The following CCDC150 variants were observed in gnomAD, a reference collection of about 807,000 sequenced individuals.
CCDC150 encodes the protein coiled-coil domain-containing protein 150.
A neutral mutation model predicts 156.5 loss-of-function variants in CCDC150; 151 were observed. That is an observed-to-expected ratio of 0.97 (90% CI 0.85 to 1.10). CCDC150 has a LOEUF of 1.10. Ranked by LOEUF, CCDC150 falls within the 50% of genes least tolerant of loss-of-function variation. CCDC150 has a pLI of 0.00. For missense variants in CCDC150, 1,312 were observed against 1,268.1 expected, an observed-to-expected ratio of 1.03 and a Z score of -0.53; for synonymous variants, 452 against 429.4, an observed-to-expected ratio of 1.05 and a Z score of -0.65.
intron 2 of CCDC150, among the ~76,000 whole-genome samples, chr2:196,647,364 A>G (rs536486455): frequency 2.0e-4 from 31 of 152,252 alleles, no homozygotes; most frequent in African/African-American, 7.5e-4. Context: ...ATATATGCAT[A>G]CATATTTTAT....
chr2:196,639,817 G>C, intron 1 of CCDC150, 39 bp downstream of exon 1: 1 of 1,561,158 alleles, frequency 6.4e-7, no homozygotes, highest in Non-Finnish European at 8.7e-7. Flanking sequence ...GGGGTGGTCG[G>C]AGGCTCGCGA....
rs770723440 is a variant in CCDC150, at chr2:196,657,064, A to C, written c.504A>C (p.Lys168Asn). 1.9e-6 allele frequency: 3 copies of C among 1,613,914 alleles called. No homozygotes were observed. Residue 168 changes from lysine (K) to asparagine (N), a missense_variant, in exon 4 of 28, where the codon AAA becomes AAC. Physicochemically the swap from Lys to Asn is moderately conservative, Grantham distance 94 (BLOSUM62 0). Transcript: ENST00000389175. Reference protein sequence around the residue: ...MNLRQQLRAVKEEEDKAQDEV... With the variant: ...MNLRQQLRAVNEEEDKAQDEV... ...TGCGCCAGCAACTGAGAGCTGTAAA[A>C]GAGGAAGAAGACAAGGCACAAGATG... is the stretch of plus-strand genomic sequence containing the variant.
chr2:196,653,136 T>A (rs1205841196), intron 2 of CCDC150, among the ~76,000 whole-genome samples: 2 of 152,250 alleles, frequency 1.3e-5, no homozygotes, highest in Admixed American at 1.3e-4. Flanking sequence ...CGTTGGCTAT[T>A]AGCATTTGGC....
At chr2:196,670,376 A>T (rs1229709647) in intron 8 of CCDC150, among the ~76,000 whole-genome samples, 1 of 151,918 alleles carries the variant, frequency 6.6e-6, no homozygotes, top group Non-Finnish European at 1.5e-5. Flanking sequence ...ATCCTGTGTT[A>T]TATGTTGTCT....
chr2:196,657,365 C>A, intron 4 of CCDC150: 1 of 450,204 alleles, frequency 2.2e-6, no homozygotes, highest in Non-Finnish European at 4.1e-6. Context: ...TTACCCCATA[C>A]AAGTGATGGT....
chr2:196,661,539 G>A (rs557719366), intron 5 of CCDC150, among the ~76,000 whole-genome samples: 2 of 152,252 alleles, frequency 1.3e-5, no homozygotes, highest in Middle Eastern at 3.4e-3. Flanking sequence ...GAAAGGCCCT[G>A]TCTCCAAATA....
intron 2 of CCDC150, among the ~76,000 whole-genome samples, chr2:196,654,228 T>C (rs1053004359): frequency 6.6e-6 from 1 of 152,348 alleles, no homozygotes; most frequent in African/African-American, 2.4e-5. Context: ...TATGGAACTC[T>C]TGAGTTCATC....
intron 13 of CCDC150, among the ~76,000 whole-genome samples, chr2:196,684,611 T>C: frequency 6.6e-6 from 1 of 152,140 alleles, no homozygotes; most frequent in Non-Finnish European, 1.5e-5. Context: ...ATTAATCTTC[T>C]GTCCAGTTGT....
intron 9 of CCDC150, 39 bp from the exon 10 acceptor site, chr2:196,674,201 TA>T: frequency 2.5e-6 from 3 of 1,189,326 alleles, no homozygotes; most frequent in Non-Finnish European, 3.7e-6. Context: ...AATAATTCTT[TA>T]TTGGAGAGAC....
intron 21 of CCDC150, among the ~76,000 whole-genome samples, chr2:196,724,982 G>A (rs1328803754): frequency 6.6e-6 from 1 of 152,156 alleles, no homozygotes; most frequent in Non-Finnish European, 1.5e-5. Flanking sequence ...ATTCCTGCCT[G>A]GGGTACTGGA....
chr2:196,729,983 T>C lies in CCDC150; in HGVS notation c.2847T>C (p.Cys949=). 6.2e-7 allele frequency: 1 copy of C among 1,613,350 alleles called. No individual in the cohort carries two copies. ...CTTTGAGTATCCAGAGATTTGTGTG[T>C]GAAATGACTAACCTGCAGAAAGAGA... ...EQSLSIQRFV[C]EMTNLQKEMQ... Residue 949 remains cysteine, a synonymous_variant, in exon 25 of 28, where the codon TGT becomes TGC. Transcript: ENST00000389175.
At chr2:196,652,216 A>G (rs1309996755) in intron 2 of CCDC150, among the ~76,000 whole-genome samples, 4 of 152,192 alleles carry the variant, frequency 2.6e-5, no homozygotes, top group South Asian at 2.1e-4. Flanking sequence ...TCACTTCTCA[A>G]TAGTACACTA....
intron 9 of CCDC150, among the ~76,000 whole-genome samples, chr2:196,673,260 A>G (rs1411139143): frequency 1.3e-5 from 2 of 152,178 alleles, no homozygotes; most frequent in Non-Finnish European, 2.9e-5. Context: ...ACTTATTCAC[A>G]TTTTAAAGAT....
At chr2:196,699,524 CTT>C (rs34878991) in intron 14 of CCDC150, among the ~76,000 whole-genome samples, 1 of 145,946 alleles carries the variant, frequency 6.9e-6, no homozygotes. Flanking sequence ...ACTACTGTGC[CTT>C]TTTTTTTTTT....
At chr2:196,719,818 AT>A in intron 19 of CCDC150, 152 bp downstream of exon 19, 1 of 514,006 alleles carries the variant, frequency 1.9e-6, no homozygotes, top group Non-Finnish European at 3.3e-6. Context: ...GTTAGAGAAA[AT>A]TTAGAATTAG....
Position 196,665,610 on chromosome 2 carries a change from T to C in CCDC150, c.689T>C (p.Leu230Ser), listed in dbSNP as rs1023385019. The C allele has an allele frequency of 3.1e-6, 5 of 1,606,248 alleles. No individual in the cohort carries two copies. Among genetic ancestry groups the C allele is most frequent in the South Asian group, 2.3e-5 (2 of 88,684 alleles). ...CAGGAGAAGTACCTTAGGGAATCTT[T>C]AGAGAAATCAGCATCAGCCATGCTC... is the stretch of plus-strand genomic sequence containing the variant. ...LAQEKYLRES[L>S]EKSASAMLLK... The change falls in exon 6 of 28, where the codon TTA becomes TCA. Residue 230 changes from leucine to serine, a missense_variant. Leu to Ser is a moderately radical substitution (Grantham distance 145). Transcript: ENST00000389175.
intron 22 of CCDC150, chr2:196,726,802 TAGAG>T (rs946274633): frequency 2.0e-5 from 3 of 152,150 alleles, no homozygotes; most frequent in African/African-American, 7.2e-5. Flanking sequence ...TGGAAAATGT[TAGAG>T]AGAGAGTGTT....
chr2:196,676,989 C>G (rs1394710311), intron 12 of CCDC150: 3 of 654,856 alleles, frequency 4.6e-6, no homozygotes, highest in Non-Finnish European at 8.4e-6. Flanking sequence ...GTTAAGGGGT[C>G]AGATTTTAAA....
chr2:196,655,766 G>A (rs1693151233), intron 2 of CCDC150, among the ~76,000 whole-genome samples: 2 of 152,038 alleles, frequency 1.3e-5, no homozygotes, highest in Admixed American at 1.3e-4. Context: ...CTAGAGCTAG[G>A]AGGTTTAAGA....
Sources: allele counts gnomAD v4.1 joint callset (sites outside exome capture counted in the v4.1 genomes callset), GRCh38; gene constraint gnomAD v4.1.1; transcripts MANE v1.5; gene names NCBI Gene and HGNC (gene_info 2026-07-23, HGNC 2026-07-21).